Variants in SPNS3 observed in about 807,000 individuals in gnomAD.
The protein encoded by SPNS3 is SPNS lysolipid transporter 3, sphingosine-1-phosphate (putative).
In SPNS3, 51 loss-of-function variants were observed where a neutral mutation model predicts 54.4. The ratio of observed to expected loss-of-function variants is 0.94; its 90% CI spans 0.75 to 1.18. The LOEUF (loss-of-function observed/expected upper bound fraction) is 1.18. SPNS3 is among the 50% of genes most tolerant of loss of function. The pLI, the probability that SPNS3 is intolerant of heterozygous loss-of-function variation, is 0.00. For synonymous variants in SPNS3, 309 were observed against 294.7 expected (o/e 1.05, Z -0.50); for missense variants, 669 against 677.4 (o/e 0.99, Z 0.14).
At chr17:4,439,208 C>G (rs557858253) in intron 1 of SPNS3, among the ~76,000 whole-genome samples, 3 of 152,088 alleles carry the variant, frequency 2.0e-5, no homozygotes, top group African/African-American at 7.2e-5. Context: ...ACTGCAACCT[C>G]CACCTCCCAG....
intron 8 of SPNS3, among the ~76,000 whole-genome samples, chr17:4,461,866 G>A (rs909424169): frequency 2.5e-4 from 38 of 152,050 alleles, no homozygotes; most frequent in Non-Finnish European, 4.3e-4. Context: ...TGAGTTTGTC[G>A]GGGGAGGTTG....
Position 4,486,157 on chromosome 17 carries a change from T to C in SPNS3, c.1180-71T>C. The C allele has an allele frequency of 2.2e-6, 3 of 1,385,236 alleles. No individual in the cohort carries two copies. The highest frequency in any genetic ancestry group is 2.9e-6 in the Non-Finnish European group (3 of 1,045,762). 85.8% of individuals were successfully genotyped at this position (1,385,236 alleles called of 1,614,324 possible). ...CCTGTCACTCCTCCAGGCAGGTCCT[T>C]GGCAGGTGGGGAACAGCAGGCAAGG... On this transcript the variant is annotated intron_variant, in intron 9 of 11. Transcript: ENST00000355530. The surrounding 1 kb of genome is among the most constrained non-coding windows in gnomAD (Gnocchi z 5.5).
chr17:4,479,287 C>T (rs1396731433), intron 9 of SPNS3, among the ~76,000 whole-genome samples: 1 of 152,246 alleles, frequency 6.6e-6, no homozygotes, highest in Non-Finnish European at 1.5e-5. Context: ...CAAGCAGGTT[C>T]CTTGGCCTCT....
intron 8 of SPNS3, among the ~76,000 whole-genome samples, chr17:4,461,360 T>C (rs1471962382): frequency 1.6e-5 from 2 of 123,044 alleles, no homozygotes; most frequent in Admixed American, 1.8e-4. Flanking sequence ...TCTTTTCTTT[T>C]CTTTTTTTTT....
Position 4,486,407 on chromosome 17 carries a change from C to A in SPNS3, c.1279-5C>A. The A allele has an allele frequency of 3.1e-6, 5 of 1,601,758 alleles. No individual in the cohort carries two copies. The highest frequency in any genetic ancestry group is 4.3e-6 in the Non-Finnish European group (5 of 1,172,744). On this transcript the variant is annotated splice_region_variant and splice_polypyrimidine_tract_variant and intron_variant, in intron 10 of 11. Transcript: ENST00000355530. This position sits in a 1 kb window ranked among gnomAD's most constrained non-coding sequence, Gnocchi z 5.5. ...CCTGGCAGACTCATCCCTTCTCCTC[C>A]GCAGATCTCTAGTGTCCTGCGGGCC... is the stretch of plus-strand genomic sequence containing the variant.
intron 8 of SPNS3, among the ~76,000 whole-genome samples, chr17:4,470,274 CA>C (rs1971820842): frequency 1.3e-5 from 2 of 151,902 alleles, no homozygotes; most frequent in African/African-American, 2.4e-5. Context: ...ACTAAAAATA[CA>C]AAAATTAACT....
At position 4,446,046 on chromosome 17, in the gene SPNS3, A is replaced by G. The variant is rs1970976584; in HGVS notation, c.403-2A>G. On this transcript the variant is annotated splice_acceptor_variant, in intron 3 of 11. Coordinates refer to ENST00000355530, the MANE Select transcript of SPNS3 (RefSeq NM_182538.5). LOFTEE classifies it high-confidence loss of function. ...ACCGTGGTCTTGTGCCTGCTCGCCC[A>G]GTATTCTTGGCTCTTCTTCCTGTCC... 6.2e-7 allele frequency: 1 copy of G among 1,602,556 alleles called. No individual in the cohort carries two copies. The highest frequency in any genetic ancestry group is 1.3e-5 in the African/African-American group (1 of 74,744).
Position 4,483,437 on chromosome 17 carries a change from C to G in SPNS3, c.1180-2791C>G, listed in dbSNP as rs796617262. On this transcript the variant is annotated intron_variant, in intron 9 of 11. Coordinates refer to ENST00000355530, the MANE Select transcript of SPNS3 (RefSeq NM_182538.5). This position sits in a 1 kb window ranked among gnomAD's most constrained non-coding sequence, Gnocchi z 4.2. ...GGAGACAATGAGGACTTGGAACAGG[C>G]TGGGGGAGACCCACCTCTCTCGCCA... is the stretch of plus-strand genomic sequence containing the variant. The G allele has an allele frequency of 2.6e-5, 4 of 152,220 alleles. No homozygotes were observed. The highest frequency in any genetic ancestry group is 9.7e-5 in the African/African-American group (4 of 41,438). 9.4% of individuals were successfully genotyped at this position (152,220 alleles called of 1,614,324 possible). A position where few individuals can be genotyped will look rare whatever the true frequency, so the allele number is the denominator to read the frequency against.
At chr17:4,440,975 A>T (rs1179661359) in intron 2 of SPNS3, among the ~76,000 whole-genome samples, 1 of 152,234 alleles carries the variant, frequency 6.6e-6, no homozygotes, top group African/African-American at 2.4e-5. Context: ...CATTTTTCTT[A>T]TAATCAGTTT....
intron 5 of SPNS3, among the ~76,000 whole-genome samples, chr17:4,447,880 C>G (rs562155093): frequency 1.3e-5 from 2 of 152,224 alleles, no homozygotes; most frequent in South Asian, 4.2e-4. Flanking sequence ...GCCCACTGAC[C>G]TCAAAAGACT....
chr17:4,477,989 T>TTTTTTTTTTTTTTTG (rs1972053520), intron 8 of SPNS3, among the ~76,000 whole-genome samples: 2 of 142,870 alleles, frequency 1.4e-5, no homozygotes, highest in African/African-American at 5.2e-5. Context: ...TTTTTTTTTT[T>TTTTTTTTTTTTTTTG]GAGGCGGAGT....
intron 8 of SPNS3, among the ~76,000 whole-genome samples, chr17:4,457,747 CCT>C (rs1491199576): frequency 5.4e-5 from 8 of 147,822 alleles, no homozygotes; most frequent in South Asian, 2.1e-4. Context: ...GCTGCCCCCC[CCT>C]CACCCCCTGC....
intron 1 of SPNS3, among the ~76,000 whole-genome samples, chr17:4,438,852 G>A (rs1225281459): frequency 6.6e-6 from 1 of 152,316 alleles, no homozygotes; most frequent in Non-Finnish European, 1.5e-5. Flanking sequence ...ACGCGGGCAG[G>A]CCTCTGGGTG....
chr17:4,459,459 C>T (rs990191303), intron 8 of SPNS3, among the ~76,000 whole-genome samples: 1 of 152,062 alleles, frequency 6.6e-6, no homozygotes, highest in African/African-American at 2.4e-5. Context: ...TACATGTAAC[C>T]CCAGCACTTT....
At chr17:4,464,981 G>T (rs1355666459) in intron 8 of SPNS3, among the ~76,000 whole-genome samples, 1 of 152,208 alleles carries the variant, frequency 6.6e-6, no homozygotes, top group African/African-American at 2.4e-5. Context: ...ACTCCCGGCT[G>T]AGCCTGTTCT....
chr17:4,459,675 T>C (rs373823137), intron 8 of SPNS3, among the ~76,000 whole-genome samples: 6 of 152,112 alleles, frequency 3.9e-5, no homozygotes, highest in African/African-American at 1.4e-4. Flanking sequence ...ATTGCGCCAT[T>C]GCACTCCAGC....
chr17:4,439,705 G>A lies in SPNS3; in HGVS notation c.247G>A (p.Ala83Thr), dbSNP rs371513427. The A allele has an allele frequency of 1.9e-6, 3 of 1,612,908 alleles. No individual in the cohort carries two copies. The African/African-American group carries it at 4.0e-5, about 22-fold the overall frequency. The change falls in exon 2 of 12, where the codon GCT becomes ACT. Residue 83 changes from alanine to threonine, a missense_variant. Transcript: ENST00000355530. ...GGTTTTCCAGATCAGTGACAACCATGCTGGTTTGCTTCAGACTGGTAAGGA... is the reference window on the plus strand; with the variant it reads ...GGTTTTCCAGATCAGTGACAACCATACTGGTTTGCTTCAGACTGGTAAGGA... Reference protein sequence around the residue: ...QEVFQISDNHAGLLQTVFVSC... With the variant: ...QEVFQISDNHTGLLQTVFVSC...
intron 8 of SPNS3, among the ~76,000 whole-genome samples, chr17:4,456,714 T>C (rs1433908875): frequency 6.6e-6 from 1 of 151,354 alleles, no homozygotes; most frequent in African/African-American, 2.4e-5. Flanking sequence ...GTTTTTGTGT[T>C]TTTTTTGGTT....
intron 8 of SPNS3, among the ~76,000 whole-genome samples, chr17:4,468,751 T>TTCTTTCTC (rs1287020264): frequency 7.0e-6 from 1 of 143,516 alleles, no homozygotes; most frequent in Non-Finnish European, 1.5e-5. Flanking sequence ...CTTTCTTTCT[T>TTCTTTCTC]TCTTTCTTTC....
Sources: allele counts gnomAD v4.1 joint callset (sites outside exome capture counted in the v4.1 genomes callset), GRCh38; gene constraint gnomAD v4.1.1; non-coding constraint Gnocchi (gnomAD v3.1); transcripts MANE v1.5; gene names NCBI Gene and HGNC (gene_info 2026-07-23, HGNC 2026-07-21).